Variants in KIAA0825 observed in about 807,000 individuals in gnomAD.
The protein encoded by KIAA0825 is KIAA0825.
A neutral mutation model predicts 147.6 loss-of-function variants in KIAA0825; 119 were observed. That is an observed-to-expected ratio of 0.81 (90% CI 0.69 to 0.94). The LOEUF (loss-of-function observed/expected upper bound fraction) is 0.94, where lower values mean the gene tolerates loss of function less well. Among genes scored for constraint, KIAA0825 ranks in the 40% least tolerant of loss-of-function variants. The pLI, the probability that KIAA0825 is intolerant of heterozygous loss-of-function variation, is 0.00. For missense variants in KIAA0825, 1,381 were observed against 1,472.7 expected (o/e 0.94, Z 1.02); for synonymous variants, 470 against 518.1 (o/e 0.91, Z 1.26).
chr5:94,325,838 G>A (rs1229888518), intron 20 of KIAA0825, among the ~76,000 whole-genome samples: 1 of 151,802 alleles, frequency 6.6e-6, no homozygotes, highest in Admixed American at 6.6e-5. Context: ...GGAGGGAGTT[G>A]CTGAAGATCT....
chr5:94,245,876 C>G (rs906286076), intron 20 of KIAA0825, among the ~76,000 whole-genome samples: 2 of 151,796 alleles, frequency 1.3e-5, no homozygotes, highest in Non-Finnish European at 2.9e-5. Context: ...TTACTGTTTC[C>G]TCTTTAAACT....
chr5:94,519,488 C>T, intron 5 of KIAA0825: 1 of 759,082 alleles, frequency 1.3e-6, no homozygotes. Context: ...TTTATTATAT[C>T]ACAATAACTT....
intron 20 of KIAA0825, among the ~76,000 whole-genome samples, chr5:94,260,932 T>G (rs529232561): frequency 6.6e-6 from 1 of 152,342 alleles, no homozygotes; most frequent in Non-Finnish European, 1.5e-5. Context: ...TTTTTTGTTT[T>G]AATCATGGTC....
At chr5:94,274,561 A>G (rs1777135533) in intron 20 of KIAA0825, among the ~76,000 whole-genome samples, 1 of 152,172 alleles carries the variant, frequency 6.6e-6, no homozygotes, top group South Asian at 2.1e-4. Flanking sequence ...TGTCATATAA[A>G]TGATCGCCAT....
chr5:94,490,305 C>A (rs1763581251), intron 5 of KIAA0825, among the ~76,000 whole-genome samples: 1 of 151,932 alleles, frequency 6.6e-6, no homozygotes, highest in Non-Finnish European at 1.5e-5. Context: ...AGGTTCAGGC[C>A]AGAACAAAGT....
chr5:94,233,022 G>A (rs754946233), intron 20 of KIAA0825, among the ~76,000 whole-genome samples: 42 of 152,094 alleles, frequency 2.8e-4, no homozygotes, highest in Admixed American at 3.9e-4. Flanking sequence ...AAATTATATT[G>A]TTTTAATTTT....
intron 20 of KIAA0825, among the ~76,000 whole-genome samples, chr5:94,260,561 G>A (rs1776442155): frequency 6.6e-6 from 1 of 152,074 alleles, no homozygotes; most frequent in South Asian, 2.1e-4. Flanking sequence ...TATTTCAGAT[G>A]ATAAGTTTCT....
At chr5:94,466,562 C>G (rs1231349529) in intron 10 of KIAA0825, among the ~76,000 whole-genome samples, 5 of 151,668 alleles carry the variant, frequency 3.3e-5, no homozygotes, top group Non-Finnish European at 7.4e-5. Context: ...TACTAAGAAA[C>G]CCCATCTCTA....
chr5:94,159,042 A>G (rs947803015), intron 20 of KIAA0825, among the ~76,000 whole-genome samples: 5 of 152,228 alleles, frequency 3.3e-5, no homozygotes, highest in Non-Finnish European at 7.3e-5. Context: ...GATTGCTGGC[A>G]TAGGTTAAGT....
At chr5:94,224,794 T>C (rs1774010529) in intron 20 of KIAA0825, among the ~76,000 whole-genome samples, 1 of 152,182 alleles carries the variant, frequency 6.6e-6, no homozygotes, top group African/African-American at 2.4e-5. Flanking sequence ...AGGCTCTCAT[T>C]TGGGTTCTGC....
chr5:94,511,742 C>T (rs1766509333), intron 5 of KIAA0825, among the ~76,000 whole-genome samples: 1 of 152,342 alleles, frequency 6.6e-6, no homozygotes, highest in South Asian at 2.1e-4. Flanking sequence ...AATCCCCACA[C>T]TTTGGGAGGC....
intron 20 of KIAA0825, among the ~76,000 whole-genome samples, chr5:94,352,335 T>C (rs431283): frequency 0.21 from 31,593 of 152,078 alleles, 3,806 homozygotes; most frequent in Middle Eastern, 0.27. Flanking sequence ...GCATCACTAA[T>C]GATCAGGGAA....
At chr5:94,421,347 A>G (rs928919094) in intron 14 of KIAA0825, among the ~76,000 whole-genome samples, 1 of 152,242 alleles carries the variant, frequency 6.6e-6, no homozygotes, top group African/African-American at 2.4e-5. Flanking sequence ...ACTGCTTTTT[A>G]CCTGGCTTAG....
intron 3 of KIAA0825, among the ~76,000 whole-genome samples, chr5:94,531,029 A>G (rs1770693612): frequency 1.3e-5 from 2 of 152,212 alleles, no homozygotes; most frequent in Non-Finnish European, 2.9e-5. Flanking sequence ...CAATAATATC[A>G]TTTAGGAATA....
At chr5:94,326,355 G>C (rs1278280850) in intron 20 of KIAA0825, among the ~76,000 whole-genome samples, 1 of 152,072 alleles carries the variant, frequency 6.6e-6, no homozygotes, top group Non-Finnish European at 1.5e-5. Context: ...TAGGAGGTAG[G>C]GGGAGTTACG....
chr5:94,489,931 A>C (rs975509372), intron 5 of KIAA0825, among the ~76,000 whole-genome samples: 1 of 151,704 alleles, frequency 6.6e-6, no homozygotes, highest in Non-Finnish European at 1.5e-5. Flanking sequence ...TCTAACTAGT[A>C]GCTAGAAAAT....
At chr5:94,534,898 T>C (rs945679386) in intron 3 of KIAA0825, among the ~76,000 whole-genome samples, 1 of 152,166 alleles carries the variant, frequency 6.6e-6, no homozygotes, top group Admixed American at 6.5e-5. Context: ...AATGTCTTGT[T>C]AATCTATTTA....
intron 20 of KIAA0825, among the ~76,000 whole-genome samples, chr5:94,245,761 C>G (rs1325831301): frequency 6.6e-6 from 1 of 152,086 alleles, no homozygotes; most frequent in Non-Finnish European, 1.5e-5. Flanking sequence ...ATGGTAGAGA[C>G]AGTTCTACCC....
Position 94,396,407 on chromosome 5 carries a change from G to C in KIAA0825, c.2990C>G (p.Ser997Cys), listed in dbSNP as rs1750658002. The part of the protein sequence containing the change: ...PPPVKYFFFL[S>C]ERKMSKKFVE... ...AAATTTTTTTGACATTTTTCTCTCA[G>C]ACAGAAAAAAGAAGTATTTAACTGG... Residue 997 changes from serine to cysteine, a missense_variant, in exon 17 of 21, where the codon TCT becomes TGT. Physicochemically the swap from Ser to Cys is moderately radical, Grantham distance 112. Transcript: ENST00000682413. The C allele has an allele frequency of 6.5e-7, 1 of 1,549,130 alleles. No homozygotes were observed. The highest frequency in any genetic ancestry group is 1.4e-5 in the African/African-American group (1 of 72,818).
Sources: allele counts gnomAD v4.1 joint callset (sites outside exome capture counted in the v4.1 genomes callset), GRCh38; gene constraint gnomAD v4.1.1; transcripts MANE v1.5; gene names NCBI Gene and HGNC (gene_info 2026-07-23, HGNC 2026-07-21).